HHIP: variants seen among roughly 807,000 people sequenced by gnomAD.
The protein encoded by HHIP is hedgehog interacting protein.
Under a neutral mutation model 74.0 loss-of-function variants are expected in HHIP, and 12 were observed. The ratio of observed to expected loss-of-function variants is 0.16; its 90% CI spans 0.10 to 0.26. The LOEUF (loss-of-function observed/expected upper bound fraction) is 0.26, where lower values mean the gene tolerates loss of function less well. Among genes scored for constraint, HHIP ranks in the 10% least tolerant of loss-of-function variants. The pLI is 1.00. For missense variants in HHIP, 788 were observed against 845.0 expected, an observed-to-expected ratio of 0.93 and a Z score of 0.84; for synonymous variants, 309 against 311.6, an observed-to-expected ratio of 0.99 and a Z score of 0.09.
intron 4 of HHIP, among the ~76,000 whole-genome samples, chr4:144,682,105 C>T (rs548467204): frequency 6.6e-6 from 1 of 152,248 alleles, no homozygotes; most frequent in Admixed American, 6.5e-5. Flanking sequence ...CCAGAACGTT[C>T]ATGTTTCTGA....
At chr4:144,697,255 AT>A (rs1230376996) in intron 4 of HHIP, among the ~76,000 whole-genome samples, 3 of 151,834 alleles carry the variant, frequency 2.0e-5, no homozygotes, top group South Asian at 2.1e-4. Context: ...TGTTTCTATA[AT>A]TTTTTTCTCT....
intron 12 of HHIP, among the ~76,000 whole-genome samples, chr4:144,737,361 C>T (rs1416173408): frequency 6.6e-6 from 1 of 152,196 alleles, no homozygotes; most frequent in Admixed American, 6.5e-5. Context: ...GTGTCTCCCC[C>T]TCAGGCTGGG....
intron 4 of HHIP, among the ~76,000 whole-genome samples, chr4:144,695,738 A>T (rs1016542092): frequency 3.3e-5 from 5 of 151,930 alleles, no homozygotes; most frequent in Non-Finnish European, 2.9e-5. Flanking sequence ...TTAGAACAAA[A>T]ATTTAGATTA....
At position 144,740,603 on chromosome 4, in the gene HHIP, T is replaced by A. The variant is rs1731239986; in HGVS notation, c.*2646T>A. 3 of 152,246 alleles carry A rather than the reference T, an allele frequency of 2.0e-5. No individual in the cohort carries two copies. Among genetic ancestry groups the A allele is most frequent in the African/African-American group, 7.2e-5 (3 of 41,464 alleles). 9.4% of individuals were successfully genotyped at this position (152,246 alleles called of 1,614,324 possible). A position where few individuals can be genotyped will look rare whatever the true frequency, so the allele number is the denominator to read the frequency against. On this transcript the variant is annotated 3_prime_UTR_variant, in exon 13 of 13. Transcript: ENST00000296575. ...AATTCAAAAATTCTCTTTGACCTTT[T>A]CTTTCAAGTAGATTTTTTTAAATGC... is the stretch of plus-strand genomic sequence containing the variant.
intron 1 of HHIP, chr4:144,647,161 G>C (rs1041450246): frequency 1.9e-5 from 10 of 514,310 alleles, no homozygotes; most frequent in African/African-American, 3.8e-5. Flanking sequence ...GTCCGCGGTC[G>C]GGATGCTGTG....
intron 4 of HHIP, among the ~76,000 whole-genome samples, chr4:144,673,618 G>A (rs1005779155): frequency 2.0e-5 from 3 of 152,040 alleles, no homozygotes; most frequent in Admixed American, 6.5e-5. Context: ...GCATAGAAAA[G>A]GTCAAAATCC....
chr4:144,721,922 C>G (rs1483020237), intron 11 of HHIP, among the ~76,000 whole-genome samples: 1 of 147,252 alleles, frequency 6.8e-6, no homozygotes, highest in Non-Finnish European at 1.5e-5. Flanking sequence ...AAAAAAGCAA[C>G]TTCCGAGGAA....
chr4:144,690,226 T>G (rs1408480766), intron 4 of HHIP, among the ~76,000 whole-genome samples: 6 of 152,198 alleles, frequency 3.9e-5, no homozygotes, highest in Non-Finnish European at 8.8e-5. Flanking sequence ...AATATTTGAA[T>G]ACCTAGAGTT....
chr4:144,700,361 G>A (rs1729941911), intron 4 of HHIP, among the ~76,000 whole-genome samples: 1 of 152,184 alleles, frequency 6.6e-6, no homozygotes, highest in Admixed American at 6.5e-5. Context: ...TCCTTTTTCA[G>A]AAACCGATTA....
intron 10 of HHIP, among the ~76,000 whole-genome samples, chr4:144,716,854 G>GA (rs869028218): frequency 0.014 from 782 of 54,612 alleles, 39 homozygotes; most frequent in East Asian, 0.019. Flanking sequence ...CGTCTCAAAA[G>GA]AAAAAAAAAA....
At chr4:144,702,736 T>G (rs1045104341) in intron 4 of HHIP, among the ~76,000 whole-genome samples, 2 of 152,138 alleles carry the variant, frequency 1.3e-5, no homozygotes, top group African/African-American at 4.8e-5. Flanking sequence ...TGTTTGTAAA[T>G]TACTTGTTGC....
chr4:144,671,696 G>C (rs1729042806), intron 4 of HHIP, among the ~76,000 whole-genome samples: 1 of 152,134 alleles, frequency 6.6e-6, no homozygotes, highest in Admixed American at 6.6e-5. Flanking sequence ...CAAAGGACTA[G>C]GCTAAATAAT....
At chr4:144,654,927 G>A (rs914613173) in intron 2 of HHIP, 6 of 152,140 alleles carry the variant, frequency 3.9e-5, no homozygotes, top group South Asian at 2.1e-4. Context: ...AAGGTACCCC[G>A]AGGGATGTAT....
Position 144,734,234 on chromosome 4 carries a change from A to AT in HHIP, c.1761-505dup, listed in dbSNP as rs200968423. On this transcript the variant is annotated intron_variant, in intron 11 of 12. Coordinates refer to ENST00000296575, the MANE Select transcript of HHIP (RefSeq NM_022475.3). ...AATATAAAATTAAAACAAAAATAAAATTAAAAAAAAAAACAAAGATTCCAA... is the reference window on the plus strand; with the variant it reads ...AATATAAAATTAAAACAAAAATAAAATTTAAAAAAAAAAACAAAGATTCCAA... Among the ~76,000 whole-genome samples, 224 of 150,676 alleles carry AT rather than the reference A, an allele frequency of 1.5e-3. 1 individual carries two copies. Among genetic ancestry groups the AT allele is most frequent in the African/African-American group, 4.6e-3 (188 of 41,276 alleles).
At chr4:144,699,497 A>C (rs1050577510) in intron 4 of HHIP, among the ~76,000 whole-genome samples, 6 of 152,004 alleles carry the variant, frequency 3.9e-5, no homozygotes, top group Non-Finnish European at 5.9e-5. Flanking sequence ...ATTGAACCCA[A>C]CCTCCAACCT....
chr4:144,651,706 ATTAAAGGAG>A (rs1241758554), intron 1 of HHIP, among the ~76,000 whole-genome samples: 1 of 151,958 alleles, frequency 6.6e-6, no homozygotes, highest in African/African-American at 2.4e-5. Context: ...TTCTATATAG[ATTAAAGGAG>A]ATTCTGAAGT....
intron 11 of HHIP, among the ~76,000 whole-genome samples, chr4:144,721,684 T>G (rs1412389926): frequency 6.6e-6 from 1 of 151,606 alleles, no homozygotes; most frequent in Non-Finnish European, 1.5e-5. Context: ...GTGGATCACC[T>G]GAGGTCAGGA....
chr4:144,661,931 A>G (rs77571397), intron 4 of HHIP, among the ~76,000 whole-genome samples: 40 of 152,342 alleles, frequency 2.6e-4, no homozygotes, highest in African/African-American at 8.9e-4. Context: ...AGACTAAAGT[A>G]TTAGTTGCAA....
At chr4:144,654,963 A>G (rs1398078179) in intron 2 of HHIP, 2 of 152,220 alleles carry the variant, frequency 1.3e-5, no homozygotes, top group Non-Finnish European at 2.9e-5. Context: ...CAAATGCTGG[A>G]AGAATTGGGA....
Sources: gnomAD v4.1 joint callset for allele counts (sites outside exome capture counted in the v4.1 genomes callset) on GRCh38, gnomAD v4.1.1 for gene constraint, MANE v1.5 for transcripts, NCBI Gene and HGNC (gene_info 2026-07-23, HGNC 2026-07-21) for gene names.